The following RALA variants were observed in gnomAD, a reference collection of about 807,000 sequenced individuals.
RALA encodes the protein ras-related protein Ral-A.
Under a neutral mutation model 24.0 loss-of-function variants are expected in RALA, and 5 were observed. The observed-to-expected ratio is 0.21, with a 90% CI of 0.11 to 0.44. The LOEUF (loss-of-function observed/expected upper bound fraction) is 0.44, where lower values mean the gene tolerates loss of function less well. Ranked by LOEUF, RALA falls within the 20% of genes least tolerant of loss-of-function variation. RALA has a pLI of 0.99. For synonymous variants in RALA, 77 were observed against 83.8 expected (o/e 0.92, Z 0.44); for missense variants, 95 against 241.2 (o/e 0.39, Z 4.01).
intron 1 of RALA, among the ~76,000 whole-genome samples, chr7:39,664,488 CTACTTGCCA>C (rs1435123885): frequency 6.6e-6 from 1 of 152,164 alleles, no homozygotes; most frequent in African/African-American, 2.4e-5. Flanking sequence ...CTGAAGTAGT[CTACTTGCCA>C]CCAAACACTA....
intron 1 of RALA, among the ~76,000 whole-genome samples, chr7:39,649,018 C>T (rs1474140249): frequency 6.6e-6 from 1 of 152,130 alleles, no homozygotes; most frequent in Non-Finnish European, 1.5e-5. Context: ...TGTGATCATG[C>T]CGTTGCACTC....
chr7:39,625,209 T>G (rs1015883304), intron 1 of RALA, among the ~76,000 whole-genome samples: 30 of 152,240 alleles, frequency 2.0e-4, no homozygotes, highest in African/African-American at 7.2e-4. Context: ...TTTTAGGTTC[T>G]TGCCACTTAC....
chr7:39,661,928 A>C (rs999586188), intron 1 of RALA, among the ~76,000 whole-genome samples: 7 of 152,130 alleles, frequency 4.6e-5, no homozygotes, highest in African/African-American at 1.7e-4. Context: ...GTTTCTATAC[A>C]TCCTCTGAAA....
At position 39,654,869 on chromosome 7, in the gene RALA, A is replaced by G. The variant is rs764813063; in HGVS notation, c.-38+31044A>G. ...AGGCCCAAGCAGTTCTCCCACCTCA[A>G]CCTCCCAAGCAGCTGGGGCTATAGG... On this transcript the variant is annotated intron_variant, in intron 1 of 4. Transcript: ENST00000005257. Among the ~76,000 whole-genome samples, 5 of 151,370 alleles carry G rather than the reference A, an allele frequency of 3.3e-5. No homozygotes were observed. In the South Asian group the frequency reaches 6.3e-4, roughly 19 times the overall value.
chr7:39,627,933 G>A (rs1201244403), intron 1 of RALA, among the ~76,000 whole-genome samples: 1 of 151,964 alleles, frequency 6.6e-6, no homozygotes, highest in Admixed American at 6.6e-5. Context: ...TTCAAGATGT[G>A]CTCCTTACCT....
chr7:39,691,386 A>G lies in RALA; in HGVS notation c.323+796A>G, dbSNP rs571651654. On this transcript the variant is annotated intron_variant, in intron 3 of 4. Coordinates refer to ENST00000005257, the MANE Select transcript of RALA (RefSeq NM_005402.4). ...ATGGAGGACAGAAAAGAAGCATGCA[A>G]TGTATCCTCTATTTTCAAGATTCAC... 9.2e-5 allele frequency among the ~76,000 whole-genome samples: 14 copies of G among 152,308 alleles called. No individual in the cohort carries two copies. In the East Asian group the frequency reaches 1.3e-3, roughly 15 times the overall value.
chr7:39,659,143 G>A (rs1462800419), intron 1 of RALA, among the ~76,000 whole-genome samples: 1 of 152,056 alleles, frequency 6.6e-6, no homozygotes, highest in Non-Finnish European at 1.5e-5. Flanking sequence ...AATTAGTCAG[G>A]TATGGTGGTG....
intron 1 of RALA, among the ~76,000 whole-genome samples, chr7:39,633,370 C>T (rs1033660564): frequency 1.3e-5 from 2 of 152,158 alleles, no homozygotes; most frequent in African/African-American, 2.4e-5. Flanking sequence ...ACGTGTCTTA[C>T]ATGTCAGCAG....
At chr7:39,676,726 A>G (rs373473839) in intron 1 of RALA, among the ~76,000 whole-genome samples, 1 of 152,312 alleles carries the variant, frequency 6.6e-6, no homozygotes, top group East Asian at 1.9e-4. Context: ...GGGGTATTTG[A>G]CACCTTACTT....
chr7:39,703,043 A>T (rs1377280093), intron 4 of RALA: 2 of 152,242 alleles, frequency 1.3e-5, no homozygotes, highest in Non-Finnish European at 2.9e-5. Context: ...TGGATGTGCT[A>T]ATTACCCTGG....
At chr7:39,643,518 C>T (rs1486273023) in intron 1 of RALA, among the ~76,000 whole-genome samples, 3 of 151,888 alleles carry the variant, frequency 2.0e-5, no homozygotes, top group African/African-American at 4.8e-5. Context: ...GTCAGGAGTT[C>T]GAGACTAGCC....
At chr7:39,624,905 G>C (rs1402147978) in intron 1 of RALA, among the ~76,000 whole-genome samples, 1 of 152,108 alleles carries the variant, frequency 6.6e-6, no homozygotes, top group Non-Finnish European at 1.5e-5. Context: ...ATGTATTTCA[G>C]TGTGTCTTAT....
At chr7:39,679,135 TTCC>T (rs1056048227) in intron 1 of RALA, among the ~76,000 whole-genome samples, 2 of 151,954 alleles carry the variant, frequency 1.3e-5, no homozygotes, top group African/African-American at 4.8e-5. Flanking sequence ...CGTAAAGAGC[TTCC>T]TCATTTTTTG....
At chr7:39,638,816 C>T (rs1791729690) in intron 1 of RALA, among the ~76,000 whole-genome samples, 1 of 152,144 alleles carries the variant, frequency 6.6e-6, no homozygotes, top group Non-Finnish European at 1.5e-5. Flanking sequence ...TGTGAATAAT[C>T]CTGCTGTGAA....
intron 2 of RALA, among the ~76,000 whole-genome samples, chr7:39,688,038 A>G (rs928994442): frequency 3.9e-5 from 6 of 152,144 alleles, no homozygotes; most frequent in African/African-American, 1.4e-4. Context: ...GGTATGAGCC[A>G]GTGCACCCAA....
intron 1 of RALA, among the ~76,000 whole-genome samples, chr7:39,684,474 A>G (rs1455806292): frequency 6.6e-6 from 1 of 152,084 alleles, no homozygotes; most frequent in African/African-American, 2.4e-5. Flanking sequence ...GGAATGATTT[A>G]TGGGTGAGAC....
At chr7:39,662,407 C>T (rs980117038) in intron 1 of RALA, among the ~76,000 whole-genome samples, 14 of 152,084 alleles carry the variant, frequency 9.2e-5, no homozygotes, top group Non-Finnish European at 5.9e-5. Context: ...TGTCAAAGTT[C>T]TATGCTGTTT....
At chr7:39,635,037 C>T (rs1791663809) in intron 1 of RALA, among the ~76,000 whole-genome samples, 1 of 152,016 alleles carries the variant, frequency 6.6e-6, no homozygotes, top group South Asian at 2.1e-4. Context: ...ATTCACATAC[C>T]ATAAAATTTG....
chr7:39,686,483 C>T, intron 1 of RALA, 148 bp from the exon 2 acceptor site: 2 of 508,456 alleles, frequency 3.9e-6, no homozygotes, highest in Non-Finnish European at 7.0e-6. Flanking sequence ...TGGTTTTTCC[C>T]CTAAGTGAGC....
Sources: gnomAD v4.1 joint callset for allele counts (sites outside exome capture counted in the v4.1 genomes callset) on GRCh38, gnomAD v4.1.1 for gene constraint, MANE v1.5 for transcripts, NCBI Gene and HGNC (gene_info 2026-07-23, HGNC 2026-07-21) for gene names.